The following ROBO2 variants were observed in gnomAD, a reference collection of about 807,000 sequenced individuals.
The protein encoded by ROBO2 is roundabout guidance receptor 2.
ROBO2 carries 53 observed loss-of-function variants against 160.8 expected under a neutral mutation model. The ratio of observed to expected loss-of-function variants is 0.33; its 90% CI spans 0.26 to 0.41. The LOEUF (loss-of-function observed/expected upper bound fraction) is 0.41. Among genes scored for constraint, ROBO2 ranks in the 10% least tolerant of loss-of-function variants. The pLI is 1.00. For missense variants in ROBO2, 1,577 were observed against 1,722.4 expected, an observed-to-expected ratio of 0.92 and a Z score of 1.49; for synonymous variants, 664 against 611.7, an observed-to-expected ratio of 1.09 and a Z score of -1.26.
At chr3:76,163,513 TTATA>T (rs1401314696) in intron 2 of ROBO2, among the ~76,000 whole-genome samples, 1 of 148,990 alleles carries the variant, frequency 6.7e-6, no homozygotes, top group East Asian at 1.9e-4. Context: ...TATATTATAT[TTATA>T]TAATGTTATA....
chr3:77,426,899 C>T (rs1328398570), intron 2 of ROBO2, among the ~76,000 whole-genome samples: 1 of 152,098 alleles, frequency 6.6e-6, no homozygotes, highest in African/African-American at 2.4e-5. Context: ...AACTCAGCTT[C>T]CAAAGTTCAT....
At chr3:76,633,903 G>A (rs1168649650) in intron 2 of ROBO2, among the ~76,000 whole-genome samples, 2 of 152,136 alleles carry the variant, frequency 1.3e-5, no homozygotes, top group African/African-American at 2.4e-5. Context: ...CCCAACAAGC[G>A]TTACTGACTG....
intron 2 of ROBO2, among the ~76,000 whole-genome samples, chr3:77,359,669 T>C (rs1417460446): frequency 6.6e-6 from 1 of 152,114 alleles, no homozygotes; most frequent in Non-Finnish European, 1.5e-5. Flanking sequence ...TACCACCTTC[T>C]TTATTCAGCC....
chr3:76,658,376 G>A (rs2091669949), intron 2 of ROBO2, among the ~76,000 whole-genome samples: 1 of 151,730 alleles, frequency 6.6e-6, no homozygotes. Context: ...TGGGACACAT[G>A]TGCAGAACAT....
chr3:76,673,987 G>T (rs555537613), intron 2 of ROBO2, among the ~76,000 whole-genome samples: 27 of 152,188 alleles, frequency 1.8e-4, no homozygotes, highest in African/African-American at 6.5e-4. Flanking sequence ...AAGTTAGCTG[G>T]TTTTAGTGCT....
chr3:76,178,058 G>A (rs918767500), intron 2 of ROBO2, among the ~76,000 whole-genome samples: 2 of 152,128 alleles, frequency 1.3e-5, no homozygotes, highest in Admixed American at 6.5e-5. Context: ...AGAAATACGT[G>A]TATCTCTATT....
intron 2 of ROBO2, among the ~76,000 whole-genome samples, chr3:76,555,358 GAGAAGAAGAA>G (rs1482633446): frequency 1.9e-4 from 11 of 57,932 alleles, no homozygotes; most frequent in Admixed American, 6.0e-4. Context: ...AGTAGGAAGA[GAGAAGAAGAA>G]GAAGAAGAAG....
intron 2 of ROBO2, among the ~76,000 whole-genome samples, chr3:77,002,131 T>C (rs924538636): frequency 1.3e-5 from 2 of 152,154 alleles, no homozygotes; most frequent in African/African-American, 4.8e-5. Context: ...TTAACATTTA[T>C]AGTACTAAAT....
intron 2 of ROBO2, among the ~76,000 whole-genome samples, chr3:77,420,975 C>T (rs1009409516): frequency 1.3e-5 from 2 of 152,092 alleles, no homozygotes; most frequent in Non-Finnish European, 2.9e-5. Flanking sequence ...TCCAACTCAC[C>T]CCTTCTTCCA....
intron 2 of ROBO2, among the ~76,000 whole-genome samples, chr3:77,180,233 A>G (rs943691801): frequency 5.9e-5 from 9 of 151,930 alleles, no homozygotes; most frequent in Non-Finnish European, 1.0e-4. Flanking sequence ...TCTATGTTGC[A>G]GCCCAAGTCT....
At chr3:76,425,428 C>G (rs2076173006) in intron 2 of ROBO2, among the ~76,000 whole-genome samples, 1 of 151,746 alleles carries the variant, frequency 6.6e-6, no homozygotes, top group Admixed American at 6.6e-5. Flanking sequence ...ATTTTAACAC[C>G]TGTAATTACT....
intron 2 of ROBO2, among the ~76,000 whole-genome samples, chr3:76,226,639 A>G (rs567430464): frequency 6.6e-6 from 1 of 152,176 alleles, no homozygotes; most frequent in Non-Finnish European, 1.5e-5. Context: ...CCCAGCCTAG[A>G]CAAAATAATA....
rs368651121 is a variant in ROBO2 at position 76,832,982 on chromosome 3, C to G, written c.110-265032C>G. On this transcript the variant is annotated intron_variant, in intron 2 of 26. Coordinates refer to the ROBO2 transcript ENST00000487694. Reference sequence around the variant, plus strand: ...CATACAAGTCCAGGCACAATAAAAACAAAGGGAGAGGTTAAAGTTCAATTT... The same window carrying G: ...CATACAAGTCCAGGCACAATAAAAAGAAAGGGAGAGGTTAAAGTTCAATTT... 1.8e-4 allele frequency among the ~76,000 whole-genome samples: 28 copies of G among 152,082 alleles called. No individual in the cohort carries two copies. In the South Asian group the frequency reaches 5.6e-3, roughly 30 times the overall value.
At chr3:76,881,849 C>A (rs752795124) in intron 2 of ROBO2, among the ~76,000 whole-genome samples, 30 of 152,186 alleles carry the variant, frequency 2.0e-4, no homozygotes, top group Non-Finnish European at 3.5e-4. Context: ...AAACCTAATT[C>A]CATCTGGTGG....
chr3:76,596,325 C>T (rs2086729788), intron 2 of ROBO2, among the ~76,000 whole-genome samples: 1 of 152,054 alleles, frequency 6.6e-6, no homozygotes, highest in Admixed American at 6.6e-5. Context: ...ACCAGTGGCA[C>T]CAGTATCACC....
intron 2 of ROBO2, among the ~76,000 whole-genome samples, chr3:76,487,425 T>C (rs2079558982): frequency 6.6e-6 from 1 of 152,142 alleles, no homozygotes; most frequent in Admixed American, 6.5e-5. Flanking sequence ...CTTACTATCT[T>C]TAAAAATGTT....
intron 2 of ROBO2, among the ~76,000 whole-genome samples, chr3:75,963,082 T>C (rs1490202254): frequency 6.6e-6 from 1 of 151,866 alleles, no homozygotes; most frequent in Non-Finnish European, 1.5e-5. Context: ...TGATGTAACA[T>C]TTCATCATAC....
chr3:76,618,850 A>G (rs889148535), intron 2 of ROBO2, among the ~76,000 whole-genome samples: 4 of 151,778 alleles, frequency 2.6e-5, no homozygotes, highest in Admixed American at 6.5e-5. Flanking sequence ...TTACTATGTC[A>G]CTATATTATT....
intron 2 of ROBO2, among the ~76,000 whole-genome samples, chr3:76,272,813 T>A (rs1343894903): frequency 1.1e-3 from 5 of 4,536 alleles, no homozygotes; most frequent in Admixed American, 4.5e-3. Context: ...AAATATATAA[T>A]ATGTATTTAT....
Sources: allele counts gnomAD v4.1 joint callset (sites outside exome capture counted in the v4.1 genomes callset), GRCh38; gene constraint gnomAD v4.1.1; transcripts MANE v1.5; gene names NCBI Gene and HGNC (gene_info 2026-07-23, HGNC 2026-07-21).